The following TAS2R1 variants were observed in gnomAD, a reference collection of about 807,000 sequenced individuals.
TAS2R1 encodes the protein taste receptor type 2 member 1.
For synonymous variants in TAS2R1, 141 were observed against 134.2 expected (o/e 1.05, Z -0.35); for missense variants, 370 against 353.4 (o/e 1.05, Z -0.38).
upstream of TAS2R1, among the ~76,000 whole-genome samples, chr5:9,634,716 G>T (rs1006145168): frequency 4.6e-5 from 7 of 151,970 alleles, no homozygotes; most frequent in Non-Finnish European, 8.8e-5. Context: ...TGTTGTAAAA[G>T]GGACTGAGTT....
At chr5:9,892,624 C>T in the TAS2R1 span, among the ~76,000 whole-genome samples, 2 of 152,094 alleles carry the variant, frequency 1.3e-5, no homozygotes, top group African/African-American at 4.8e-5. Flanking sequence ...AACCAGTTAT[C>T]TAGGCTGGAT....
the TAS2R1 span, among the ~76,000 whole-genome samples, chr5:9,840,484 C>G: frequency 3.9e-5 from 6 of 152,160 alleles, no homozygotes; most frequent in African/African-American, 1.4e-4. Flanking sequence ...CTCTTCTTGA[C>G]TATTTAAACT....
intron 1 of TAS2R1, among the ~76,000 whole-genome samples, chr5:9,670,080 C>T (rs1056987028): frequency 6.6e-6 from 1 of 151,902 alleles, no homozygotes; most frequent in Non-Finnish European, 1.5e-5. Context: ...TACTACCAAC[C>T]CCACAGAAAT....
chr5:9,868,144 A>G, the TAS2R1 span, among the ~76,000 whole-genome samples: 1 of 152,154 alleles, frequency 6.6e-6, no homozygotes, highest in Non-Finnish European at 1.5e-5. Context: ...TGGATCTACC[A>G]TTCTGGGGTT....
the TAS2R1 span, among the ~76,000 whole-genome samples, chr5:9,891,235 G>A: frequency 6.6e-6 from 1 of 152,094 alleles, no homozygotes; most frequent in African/African-American, 2.4e-5. Context: ...AGAAGCAGAT[G>A]TAAGCAGGCA....
the TAS2R1 span, among the ~76,000 whole-genome samples, chr5:9,834,032 C>T: frequency 6.6e-6 from 1 of 152,336 alleles, no homozygotes; most frequent in South Asian, 2.1e-4. Flanking sequence ...CTCCTTTGTT[C>T]AGTACGGAGA....
chr5:9,629,899 T>A lies in TAS2R1; in HGVS notation c.134A>T (p.Asp45Val). Reference protein sequence around the residue: ...LIKHRKMAPLDLLLSCLAVSR... With the variant: ...LIKHRKMAPLVLLLSCLAVSR... ...AACTGCCAGACAAGAAAGAAGGAGATCCAGCGGAGCCATTTTTCTGTGCTT... is the reference window on the plus strand; with the variant it reads ...AACTGCCAGACAAGAAAGAAGGAGAACCAGCGGAGCCATTTTTCTGTGCTT... The change falls in exon 1 of 1, where the codon GAT becomes GTT. Residue 45 changes from aspartate (D) to valine (V), a missense_variant. By Grantham distance (152) the Asp-to-Val change is radical. Transcript: ENST00000382492. The A allele has an allele frequency of 6.3e-7, 1 of 1,590,956 alleles. No homozygotes were observed.
At chr5:9,815,508 T>C in the TAS2R1 span, among the ~76,000 whole-genome samples, 1 of 152,146 alleles carries the variant, frequency 6.6e-6, no homozygotes, top group East Asian at 1.9e-4. Flanking sequence ...AAAGCCAAGA[T>C]ATCAGCCTAA....
At chr5:9,895,570 C>CT in the TAS2R1 span, among the ~76,000 whole-genome samples, 413 of 152,316 alleles carry the variant, frequency 2.7e-3, no homozygotes, top group Admixed American at 0.01. Context: ...ACAGAGAGGT[C>CT]TTTCTTTTTT....
At chr5:9,854,952 T>C in the TAS2R1 span, among the ~76,000 whole-genome samples, 1 of 152,206 alleles carries the variant, frequency 6.6e-6, no homozygotes, top group African/African-American at 2.4e-5. Context: ...AGTACAACTC[T>C]GAAAGTCTTA....
At chr5:9,873,869 G>C in the TAS2R1 span, among the ~76,000 whole-genome samples, 1 of 128,984 alleles carries the variant, frequency 7.8e-6, no homozygotes, top group Non-Finnish European at 1.7e-5. Context: ...ACTCTGTCTC[G>C]GGGAAAAAAA....
chr5:9,837,901 G>A, the TAS2R1 span, among the ~76,000 whole-genome samples: 1 of 152,228 alleles, frequency 6.6e-6, no homozygotes, highest in Admixed American at 6.5e-5. Flanking sequence ...GATAGGCACT[G>A]AATGGATGCC....
At chr5:9,631,716 A>G (rs1267485354), upstream of TAS2R1, among the ~76,000 whole-genome samples, 1 of 152,232 alleles carries the variant, frequency 6.6e-6, no homozygotes, top group Non-Finnish European at 1.5e-5. Flanking sequence ...TGTGTCATAA[A>G]GAATACTTAA....
chr5:9,858,539 AAC>A, the TAS2R1 span, among the ~76,000 whole-genome samples: 5 of 152,234 alleles, frequency 3.3e-5, no homozygotes, highest in African/African-American at 1.2e-4. Flanking sequence ...GACATAAAAG[AAC>A]ACATTGATAT....
intron 1 of TAS2R1, among the ~76,000 whole-genome samples, chr5:9,701,425 G>A (rs151084263): frequency 5.2e-4 from 79 of 152,228 alleles, no homozygotes; most frequent in Non-Finnish European, 9.4e-4. Context: ...CTGCCTTTCT[G>A]ACAAGAAGAA....
chr5:9,815,717 A>G, the TAS2R1 span, among the ~76,000 whole-genome samples: 1 of 152,194 alleles, frequency 6.6e-6, no homozygotes, highest in African/African-American at 2.4e-5. Flanking sequence ...TAGAACAACT[A>G]TAAATATACA....
At chr5:9,748,802 G>A in the TAS2R1 span, among the ~76,000 whole-genome samples, 497 of 152,204 alleles carry the variant, frequency 3.3e-3, 4 homozygotes, top group African/African-American at 0.012. Flanking sequence ...ATGAAGTTTG[G>A]AGGGGACAAA....
At chr5:9,637,643 C>T (rs959765244) in intron 2 of TAS2R1, among the ~76,000 whole-genome samples, 1 of 151,878 alleles carries the variant, frequency 6.6e-6, no homozygotes, top group East Asian at 1.9e-4. Flanking sequence ...TTTTTCTTTG[C>T]CTTTTTCTGA....
chr5:9,697,566 C>T (rs770025354), intron 1 of TAS2R1, among the ~76,000 whole-genome samples: 3 of 151,906 alleles, frequency 2.0e-5, no homozygotes, highest in Non-Finnish European at 4.4e-5. Flanking sequence ...AATAATCTGC[C>T]CCATAAAGAA....
Sources: allele counts gnomAD v4.1 joint callset (sites outside exome capture counted in the v4.1 genomes callset), GRCh38; gene constraint gnomAD v4.1.1; transcripts MANE v1.5; gene names NCBI Gene and HGNC (gene_info 2026-07-23, HGNC 2026-07-21).